Variants in CTNND2 observed in about 807,000 individuals in gnomAD.
CTNND2 encodes the protein catenin delta 2.
CTNND2 carries 22 observed loss-of-function variants against 144.4 expected under a neutral mutation model. The ratio of observed to expected loss-of-function variants is 0.15; its 90% CI spans 0.11 to 0.22. CTNND2 has a LOEUF of 0.22. Ranked by LOEUF, CTNND2 falls within the 10% of genes least tolerant of loss-of-function variation. CTNND2 has a pLI of 1.00. For synonymous variants in CTNND2, 751 were observed against 695.6 expected, an observed-to-expected ratio of 1.08 and a Z score of -1.25; for missense variants, 1,353 against 1,618.8, an observed-to-expected ratio of 0.84 and a Z score of 2.82.
intron 1 of CTNND2, among the ~76,000 whole-genome samples, chr5:11,746,810 T>A (rs1165668125): frequency 1.3e-5 from 2 of 152,218 alleles, no homozygotes; most frequent in African/African-American, 2.4e-5. Context: ...ACATTTATAA[T>A]TTATTGTCAG....
intron 19 of CTNND2, among the ~76,000 whole-genome samples, chr5:10,990,884 C>T (rs1321913352): frequency 3.3e-5 from 5 of 152,220 alleles, no homozygotes. Flanking sequence ...TCTTCCAGCC[C>T]TTGCCGATCC....
chr5:11,516,229 A>G (rs984182706), intron 3 of CTNND2, among the ~76,000 whole-genome samples: 1 of 152,174 alleles, frequency 6.6e-6, no homozygotes, highest in African/African-American at 2.4e-5. Context: ...AAGAAATAAC[A>G]TCTTGAAACA....
At chr5:11,397,272 T>C in intron 5 of CTNND2, 69 bp from the exon 6 acceptor site, 1 of 1,381,458 alleles carries the variant, frequency 7.2e-7, no homozygotes, top group Middle Eastern at 1.9e-4. Context: ...GTATTATTTA[T>C]TGAGAGTAGC....
At chr5:11,208,563 C>T (rs983930022) in intron 10 of CTNND2, among the ~76,000 whole-genome samples, 59 of 152,198 alleles carry the variant, frequency 3.9e-4, no homozygotes, top group African/African-American at 3.6e-4. Flanking sequence ...AGTATGGATT[C>T]GATACCTAGA....
At chr5:11,441,882 C>T (rs1359443111) in intron 3 of CTNND2, among the ~76,000 whole-genome samples, 1 of 152,118 alleles carries the variant, frequency 6.6e-6, no homozygotes, top group East Asian at 1.9e-4. Context: ...AAACCCGTGC[C>T]TTAATTAACT....
intron 16 of CTNND2, among the ~76,000 whole-genome samples, chr5:11,061,078 A>T (rs189895696): frequency 6.6e-6 from 1 of 152,258 alleles, no homozygotes; most frequent in East Asian, 1.9e-4. Flanking sequence ...CAGATATTTC[A>T]AACTTTCAGT....
intron 1 of CTNND2, among the ~76,000 whole-genome samples, chr5:11,761,455 G>A (rs1243219215): frequency 6.6e-6 from 1 of 152,114 alleles, no homozygotes. Flanking sequence ...TCTGAACAAA[G>A]TGAAGTGAAC....
intron 9 of CTNND2, among the ~76,000 whole-genome samples, chr5:11,249,577 C>T (rs902681356): frequency 5.9e-5 from 9 of 152,118 alleles, no homozygotes; most frequent in Admixed American, 4.6e-4. Flanking sequence ...ATCAGCCAGG[C>T]TACTGTGAGT....
chr5:11,878,305 C>T (rs1265443816), intron 1 of CTNND2, among the ~76,000 whole-genome samples: 3 of 152,146 alleles, frequency 2.0e-5, no homozygotes, highest in Admixed American at 1.3e-4. Context: ...TCTTCTACCT[C>T]TTCTTTACTC....
At chr5:11,609,429 T>G (rs1251452158) in intron 2 of CTNND2, among the ~76,000 whole-genome samples, 2 of 152,284 alleles carry the variant, frequency 1.3e-5, no homozygotes, top group Non-Finnish European at 2.9e-5. Flanking sequence ...CGTATGAAAT[T>G]TCTTTCCAAA....
At chr5:11,760,183 A>G (rs1297856296) in intron 1 of CTNND2, among the ~76,000 whole-genome samples, 2 of 152,118 alleles carry the variant, frequency 1.3e-5, no homozygotes, top group African/African-American at 4.8e-5. Context: ...TCTAAGTAGG[A>G]AAGTCTTCAG....
rs1468547858 is a variant in CTNND2, at chr5:11,346,381, T to C, written c.1619A>G (p.Lys540Arg). 1 of 1,456,876 alleles carries C rather than the reference T, an allele frequency of 6.9e-7. No individual in the cohort carries two copies. The allele number at this position is 1,456,876 out of a possible 1,614,324, so 90.2% of individuals were successfully genotyped here. A position where few individuals can be genotyped will look rare whatever the true frequency, so the allele number is the denominator to read the frequency against. Residue 540 changes from lysine to arginine, a missense_variant, in exon 9 of 22, where the codon AAA becomes AGA. Around this residue, in one of 4 missense-constraint regions of CTNND2, gnomAD observed 69 missense variants for 120.3 expected, o/e 0.57. Coordinates refer to ENST00000304623, the MANE Select transcript of CTNND2 (RefSeq NM_001332.4). The part of the protein sequence containing the change: ...ARSPSIDSIQ[K>R]DPREFGWRDP... ...AAAGGTTTTTACCCACCTGGGATCT[T>C]TCTGAATGCTATCAATGGACGGGGA...
At chr5:11,379,019 A>C (rs927812502) in intron 7 of CTNND2, among the ~76,000 whole-genome samples, 2 of 152,184 alleles carry the variant, frequency 1.3e-5, no homozygotes, top group African/African-American at 4.8e-5. Context: ...CATTCATTTC[A>C]ATTTTACCTC....
chr5:11,524,060 C>A (rs941966559), intron 3 of CTNND2, among the ~76,000 whole-genome samples: 2 of 152,182 alleles, frequency 1.3e-5, no homozygotes, highest in Non-Finnish European at 2.9e-5. Flanking sequence ...CCTTCTAGGG[C>A]TGGCTCCTTT....
chr5:11,377,716 A>G (rs1472639640), intron 7 of CTNND2, among the ~76,000 whole-genome samples: 1 of 152,182 alleles, frequency 6.6e-6, no homozygotes, highest in Non-Finnish European at 1.5e-5. Flanking sequence ...AGACACCAGG[A>G]AGACATTTTG....
chr5:11,235,806 A>G (rs142179769), intron 10 of CTNND2, among the ~76,000 whole-genome samples: 36 of 152,360 alleles, frequency 2.4e-4, no homozygotes, highest in African/African-American at 7.7e-4. Context: ...AAAAATAAAA[A>G]GCCATGAGGC....
At chr5:11,792,197 G>C (rs141118692) in intron 1 of CTNND2, among the ~76,000 whole-genome samples, 175 of 152,122 alleles carry the variant, frequency 1.2e-3, no homozygotes, top group Middle Eastern at 6.8e-3. Flanking sequence ...TAATTACATA[G>C]TTAGGAAGAA....
At chr5:11,167,534 G>A (rs546104081) in intron 11 of CTNND2, among the ~76,000 whole-genome samples, 3 of 152,058 alleles carry the variant, frequency 2.0e-5, no homozygotes, top group Admixed American at 6.5e-5. Context: ...AAACAATTTT[G>A]TTATAAGATA....
intron 1 of CTNND2, among the ~76,000 whole-genome samples, chr5:11,742,575 C>T (rs977683131): frequency 2.6e-5 from 4 of 152,076 alleles, no homozygotes; most frequent in Admixed American, 6.6e-5. Flanking sequence ...TTACTTTTGG[C>T]TTTACTTCCA....
Sources: allele counts gnomAD v4.1 joint callset (sites outside exome capture counted in the v4.1 genomes callset), GRCh38; gene constraint gnomAD v4.1.1; regional missense constraint gnomAD v4.1.1; transcripts MANE v1.5; gene names NCBI Gene and HGNC (gene_info 2026-07-23, HGNC 2026-07-21).